SYNE2: variants seen among roughly 807,000 people sequenced by gnomAD.
SYNE2 encodes the protein nesprin-2.
A neutral mutation model predicts 856.3 loss-of-function variants in SYNE2; 431 were observed. That is an observed-to-expected ratio of 0.50 (90% CI 0.47 to 0.55). The LOEUF (loss-of-function observed/expected upper bound fraction) is 0.55. Among genes scored for constraint, SYNE2 ranks in the 20% least tolerant of loss-of-function variants. SYNE2 has a pLI of 0.00. For synonymous variants in SYNE2, 2,923 were observed against 2,872.3 expected, an observed-to-expected ratio of 1.02 and a Z score of -0.56; for missense variants, 8,129 against 8,023.2, an observed-to-expected ratio of 1.01 and a Z score of -0.50.
In SYNE2 at chr14:64,050,794, G is replaced by A. The variant is rs141534187; in HGVS notation, c.7644-763G>A. On this transcript the variant is annotated intron_variant, in intron 47 of 115. Transcript: ENST00000555002. ...AGCACTTTGGGAGGCTGAGGCAGGT[G>A]GATCACTTAAGGTCAGGAATTCGAG... Among the ~76,000 whole-genome samples, 834 of 152,154 alleles carry A rather than the reference G, an allele frequency of 5.5e-3. 8 individuals carry two copies. The highest frequency in any genetic ancestry group is 0.019 in the African/African-American group (795 of 41,502).
intron 45 of SYNE2, among the ~76,000 whole-genome samples, chr14:64,037,609 C>A (rs2097102610): frequency 6.6e-6 from 1 of 151,804 alleles, no homozygotes; most frequent in African/African-American, 2.4e-5. Flanking sequence ...CACAAAACCG[C>A]CATTGTCATC....
Position 63,886,941 on chromosome 14 carries a change from T to A in SYNE2, c.-51-22157T>A, listed in dbSNP as rs116929272. 7.8e-3 allele frequency among the ~76,000 whole-genome samples: 1,190 copies of A among 152,256 alleles called. 19 individuals carry two copies. In the East Asian group the frequency reaches 0.092, roughly 12 times the overall value. ...TCCTAAAGTGTTGGGATTATAGATG[T>A]GAGCCACTGGCCATCATTCTTTAAT... is the stretch of plus-strand genomic sequence containing the variant. On this transcript the variant is annotated intron_variant, in intron 1 of 115. Transcript: ENST00000555002.
intron 22 of SYNE2, 140 bp from the exon 23 acceptor site, chr14:63,994,904 A>C: frequency 1.9e-6 from 1 of 538,108 alleles, no homozygotes; most frequent in East Asian, 3.6e-5. Context: ...ATCTCCCCCC[A>C]AAATACATGG....
chr14:64,191,000 G>GC (rs2098515965), intron 99 of SYNE2: 1 of 701,984 alleles, frequency 1.4e-6, no homozygotes, highest in Admixed American at 2.0e-5. Flanking sequence ...GTGCAGCTGT[G>GC]CTTCCACTGG....
chr14:64,171,105 A>G (rs939460770), intron 94 of SYNE2, among the ~76,000 whole-genome samples: 3 of 152,196 alleles, frequency 2.0e-5, no homozygotes, highest in East Asian at 1.9e-4. Flanking sequence ...TAAAAAAAAT[A>G]AAAATAAAGG....
intron 61 of SYNE2, among the ~76,000 whole-genome samples, chr14:64,096,320 CG>C (rs747372570): frequency 2.0e-5 from 3 of 152,132 alleles, no homozygotes; most frequent in Non-Finnish European, 4.4e-5. Flanking sequence ...TATTAGGTGC[CG>C]GTAGTTTTAC....
intron 1 of SYNE2, among the ~76,000 whole-genome samples, chr14:63,838,738 G>A (rs1392108211): frequency 1.3e-5 from 2 of 151,966 alleles, no homozygotes; most frequent in African/African-American, 2.4e-5. Flanking sequence ...TGAACTCCTG[G>A]GCTCAAGTGA....
At chr14:64,182,703 G>C (rs921545811) in intron 96 of SYNE2, among the ~76,000 whole-genome samples, 27 of 152,302 alleles carry the variant, frequency 1.8e-4, no homozygotes, top group African/African-American at 6.3e-4. Context: ...CATGGGGTTG[G>C]GGGTAAGGTC....
chr14:63,902,751 C>T lies in SYNE2; in HGVS notation c.-51-6347C>T, dbSNP rs118034278. 9.8e-4 allele frequency among the ~76,000 whole-genome samples: 149 copies of T among 151,634 alleles called. 1 individual carries two copies. The East Asian group carries it at 0.015, about 15-fold the overall frequency. On this transcript the variant is annotated intron_variant, in intron 1 of 115. Transcript: ENST00000555002. ...CTTTGTCACCCAGGCTGGAGTGCAG[C>T]GGCATGAACACGACTCACTGCAGCC...
At chr14:64,069,985 G>A (rs969218362) in intron 51 of SYNE2, among the ~76,000 whole-genome samples, 18 of 152,202 alleles carry the variant, frequency 1.2e-4, no homozygotes, top group African/African-American at 3.9e-4. Flanking sequence ...CAGGGGATTC[G>A]AGGGGAGGCG....
intron 63 of SYNE2, chr14:64,099,362 T>C (rs1378191147): frequency 5.9e-6 from 1 of 168,772 alleles, no homozygotes; most frequent in Non-Finnish European, 1.3e-5. Flanking sequence ...AGGAAGAAAA[T>C]TGAAGCAACT....
intron 1 of SYNE2, among the ~76,000 whole-genome samples, chr14:63,868,205 C>T (rs746942382): frequency 1.3e-5 from 2 of 152,064 alleles, no homozygotes; most frequent in African/African-American, 4.8e-5. Context: ...TGAAAGGTGA[C>T]CTAACAGCAT....
In SYNE2 at chr14:63,998,339, T is replaced by C. The variant is rs769917284; in HGVS notation, c.3353+11T>C. The C allele has an allele frequency of 1.3e-6, 2 of 1,558,336 alleles. No homozygotes were observed. The highest frequency in any genetic ancestry group is 1.1e-5 in the South Asian group (1 of 89,814). ...TAGTTTACTAGAGAGGTAAACTCTT[T>C]TTAAAAACAACTGGAAAATCCACCA... On this transcript the variant is annotated intron_variant, in intron 26 of 115. Transcript: ENST00000555002.
chr14:64,172,502 C>G (rs1293773086), intron 94 of SYNE2, among the ~76,000 whole-genome samples: 1 of 152,132 alleles, frequency 6.6e-6, no homozygotes, highest in Non-Finnish European at 1.5e-5. Flanking sequence ...ATATGGTACC[C>G]CAATGGTTTC....
intron 99 of SYNE2, chr14:64,196,651 TGAG>T (rs953988935): frequency 2.0e-5 from 3 of 152,178 alleles, no homozygotes; most frequent in African/African-American, 7.2e-5. Flanking sequence ...AAATTTAATT[TGAG>T]GAGGACAGAA....
At chr14:64,220,988 G>C (rs775542432) in intron 111 of SYNE2, among the ~76,000 whole-genome samples, 12 of 152,150 alleles carry the variant, frequency 7.9e-5, no homozygotes, top group Non-Finnish European at 1.6e-4. Context: ...CTGCTTAATA[G>C]CCATGTGACT....
chr14:64,037,683 GCCCCTC>G, intron 45 of SYNE2, among the ~76,000 whole-genome samples: 2 of 16,406 alleles, frequency 1.2e-4, no homozygotes, highest in East Asian at 3.6e-3. Context: ...GGGCAGAGGG[GCCCCTC>G]ACTTCCCAGT....
chr14:64,180,513 T>C lies in SYNE2; in HGVS notation c.17556+3030T>C, dbSNP rs539472869. ...TCACTAATGGTTTATAACTTTTTTT[T>C]TTTTTTTTGAGATGGAGCTTCGTTC... is the stretch of plus-strand genomic sequence containing the variant. On this transcript the variant is annotated intron_variant, in intron 96 of 115. Coordinates refer to ENST00000555002, the MANE Select transcript of SYNE2 (RefSeq NM_182914.3). Among the ~76,000 whole-genome samples the C allele has an allele frequency of 5.0e-4, 76 of 152,172 alleles. 1 individual carries two copies. Among genetic ancestry groups the C allele is most frequent in the Non-Finnish European group, 2.9e-4 (20 of 67,978 alleles).
At chr14:63,896,994 G>C (rs1193551083) in intron 1 of SYNE2, among the ~76,000 whole-genome samples, 5 of 152,138 alleles carry the variant, frequency 3.3e-5, no homozygotes, top group Non-Finnish European at 7.3e-5. Context: ...GCTCACACCT[G>C]TAATTCCAGC....
Sources: gnomAD v4.1 joint callset for allele counts (sites outside exome capture counted in the v4.1 genomes callset) on GRCh38, gnomAD v4.1.1 for gene constraint, MANE v1.5 for transcripts, NCBI Gene and HGNC (gene_info 2026-07-23, HGNC 2026-07-21) for gene names.